PMEPA1: variants seen among roughly 807,000 people sequenced by gnomAD.
PMEPA1 encodes the protein prostate transmembrane protein, androgen induced 1, also known as protein TMEPAI.
PMEPA1 carries 11 observed loss-of-function variants against 23.0 expected under a neutral mutation model. That is an observed-to-expected ratio of 0.48 (90% confidence interval 0.30 to 0.79). The LOEUF is 0.79. PMEPA1 is among the 30% of genes least tolerant of loss of function. The pLI, the probability that PMEPA1 is intolerant of heterozygous loss-of-function variation, is 0.06. For synonymous variants in PMEPA1, 204 were observed against 166.4 expected (o/e 1.23, Z -1.74); for missense variants, 377 against 390.9 (o/e 0.96, Z 0.30).
intron 1 of PMEPA1, among the ~76,000 whole-genome samples, chr20:57,699,403 A>C (rs890715071): frequency 6.6e-6 from 1 of 152,228 alleles, no homozygotes; most frequent in African/African-American, 2.4e-5. Flanking sequence ...TCCGTGCAGT[A>C]ATTATAAATC....
At chr20:57,674,925 G>A (rs575016563) in intron 1 of PMEPA1, among the ~76,000 whole-genome samples, 15 of 152,336 alleles carry the variant, frequency 9.8e-5, no homozygotes, top group African/African-American at 3.4e-4. Flanking sequence ...CTGGACAGAT[G>A]AATGTGGACA....
At chr20:57,707,535 C>A (rs999254336) in intron 1 of PMEPA1, among the ~76,000 whole-genome samples, 8 of 151,984 alleles carry the variant, frequency 5.3e-5, no homozygotes, top group Admixed American at 5.2e-4. Context: ...CTGGCGGCGG[C>A]GGGGCAAAGT....
chr20:57,677,383 A>T (rs1452315847), intron 1 of PMEPA1, among the ~76,000 whole-genome samples: 1 of 152,194 alleles, frequency 6.6e-6, no homozygotes, highest in East Asian at 1.9e-4. Context: ...CTTCTTTCTA[A>T]GTGCTTGCTT....
chr20:57,699,040 C>T (rs2071977638), intron 1 of PMEPA1, among the ~76,000 whole-genome samples: 1 of 152,158 alleles, frequency 6.6e-6, no homozygotes. Context: ...TGAAGAAAGG[C>T]GTTTGCTGTG....
Position 57,650,128 on chromosome 20 carries a change from C to T in PMEPA1, c.*1925G>A, listed in dbSNP as rs1039598081. On this transcript the variant is annotated 3_prime_UTR_variant, in exon 4 of 4. Transcript: ENST00000341744. ...ATGCAGAGCCCACGTCTGTCAGCTG[C>T]CACCTTCGTAAAGCACACGTTTCAC... 6.6e-6 allele frequency: 1 copy of T among 151,204 alleles called. No individual in the cohort carries two copies. Among genetic ancestry groups the T allele is most frequent in the African/African-American group, 2.5e-5 (1 of 40,418 alleles). The allele number at this position is 151,204 out of a possible 1,614,324, so 9.4% of individuals were successfully genotyped here.
chr20:57,710,400 C>T (rs1232390617), upstream of PMEPA1: 8 of 1,570,404 alleles, frequency 5.1e-6, no homozygotes, highest in Admixed American at 8.8e-5. Context: ...GCACAAGGTC[C>T]CTGGGGGCTC....
rs1309522315 is a variant in PMEPA1, at chr20:57,683,790, T to C, written c.110-24093A>G. 6.7e-6 allele frequency among the ~76,000 whole-genome samples: 1 copy of C among 149,898 alleles called. No homozygotes were observed. Among genetic ancestry groups the C allele is most frequent in the African/African-American group, 2.5e-5 (1 of 40,400 alleles). On this transcript the variant is annotated intron_variant, in intron 1 of 3. Coordinates refer to ENST00000341744, the MANE Select transcript of PMEPA1 (RefSeq NM_020182.5). The surrounding 1 kb of genome is among the most constrained non-coding windows in gnomAD (Gnocchi z 4.3). ...GAGGGAAGGACTAGAGCCCAGCAGC[T>C]CTCAGAGTTCTTGGAGTTCTCGGCC...
At chr20:57,670,392 C>T (rs2071552105) in intron 1 of PMEPA1, among the ~76,000 whole-genome samples, 1 of 152,152 alleles carries the variant, frequency 6.6e-6, no homozygotes, top group African/African-American at 2.4e-5. Flanking sequence ...CCTCAAGCCC[C>T]AGGATCCACA....
intron 1 of PMEPA1, among the ~76,000 whole-genome samples, chr20:57,699,578 G>C (rs2071984592): frequency 6.6e-6 from 1 of 152,226 alleles, no homozygotes; most frequent in Admixed American, 6.5e-5. Flanking sequence ...GCCAAGCAAG[G>C]CGTGTGGGGT....
At chr20:57,709,002 A>G (rs998721470) in intron 1 of PMEPA1, among the ~76,000 whole-genome samples, 2 of 151,904 alleles carry the variant, frequency 1.3e-5, no homozygotes, top group Non-Finnish European at 2.9e-5. Context: ...ATCCACTCAG[A>G]GCCCGAGACA....
intron 1 of PMEPA1, among the ~76,000 whole-genome samples, chr20:57,699,778 G>A (rs2071986778): frequency 6.6e-6 from 1 of 152,164 alleles, no homozygotes; most frequent in Non-Finnish European, 1.5e-5. Flanking sequence ...CACCTGCCTG[G>A]GGGAACCCGG....
At chr20:57,676,726 C>G (rs6099713) in intron 1 of PMEPA1, among the ~76,000 whole-genome samples, 156 of 152,268 alleles carry the variant, frequency 1.0e-3, no homozygotes, top group African/African-American at 3.7e-3. Context: ...GCTGGACCCC[C>G]CATGACGAGA....
chr20:57,660,181 A>G (rs1195555497), intron 1 of PMEPA1, among the ~76,000 whole-genome samples: 3 of 152,002 alleles, frequency 2.0e-5, no homozygotes, highest in Non-Finnish European at 4.4e-5. Context: ...GGAGAAGGGG[A>G]CCCCTGAGTG....
At chr20:57,654,191 T>G (rs576327806) in intron 2 of PMEPA1, among the ~76,000 whole-genome samples, 54 of 152,308 alleles carry the variant, frequency 3.5e-4, no homozygotes, top group Admixed American at 7.8e-4. Context: ...CGGTGAGCCC[T>G]GGGCCCGGGG....
intron 1 of PMEPA1, among the ~76,000 whole-genome samples, chr20:57,684,884 A>G (rs1365521503): frequency 1.3e-5 from 2 of 152,160 alleles, no homozygotes; most frequent in Non-Finnish European, 2.9e-5. Flanking sequence ...CCCACCCCTC[A>G]GAGAGAAGAA....
chr20:57,696,160 T>C (rs566751650), intron 1 of PMEPA1, among the ~76,000 whole-genome samples: 38 of 152,140 alleles, frequency 2.5e-4, no homozygotes, highest in Admixed American at 9.2e-4. Flanking sequence ...GTGTGGAGGA[T>C]GGGAGGAGGA....
intron 1 of PMEPA1, 123 bp from the exon 2 acceptor site, chr20:57,659,820 A>G: frequency 1.2e-6 from 1 of 862,332 alleles, no homozygotes; most frequent in East Asian, 2.7e-5. Context: ...GACTCAGGAA[A>G]GCCCCCGCCA....
intron 2 of PMEPA1, among the ~76,000 whole-genome samples, chr20:57,657,274 T>C (rs2071339284): frequency 6.6e-6 from 1 of 152,160 alleles, no homozygotes; most frequent in Non-Finnish European, 1.5e-5. Context: ...GAGTCCAGCC[T>C]GGAGTTAGTG....
At chr20:57,662,313 G>A (rs6070210) in intron 1 of PMEPA1, among the ~76,000 whole-genome samples, 3,140 of 152,318 alleles carry the variant, frequency 0.021, 54 homozygotes, top group Non-Finnish European at 0.031. Context: ...ACCTAAGAAC[G>A]GGCGTTTTTA....
Sources: allele counts gnomAD v4.1 joint callset (sites outside exome capture counted in the v4.1 genomes callset), GRCh38; gene constraint gnomAD v4.1.1; non-coding constraint Gnocchi (gnomAD v3.1); transcripts MANE v1.5; gene names NCBI Gene and HGNC (gene_info 2026-07-23, HGNC 2026-07-21).